The following GSG1L variants were observed in gnomAD, a reference collection of about 807,000 sequenced individuals.
The protein encoded by GSG1L is germ cell-specific gene 1-like protein.
GSG1L carries 24 observed loss-of-function variants against 42.1 expected under a neutral mutation model. That is an observed-to-expected ratio of 0.57 (90% CI 0.41 to 0.80). The LOEUF (loss-of-function observed/expected upper bound fraction) is 0.80, where lower values mean the gene tolerates loss of function less well. GSG1L is among the 30% of genes least tolerant of loss of function. The pLI is 0.00. For missense variants in GSG1L, 445 were observed against 472.2 expected, an observed-to-expected ratio of 0.94 and a Z score of 0.53; for synonymous variants, 215 against 203.5, an observed-to-expected ratio of 1.06 and a Z score of -0.48.
intron 2 of GSG1L, among the ~76,000 whole-genome samples, chr16:27,914,049 A>G (rs961694141): frequency 6.6e-6 from 1 of 151,792 alleles, no homozygotes; most frequent in African/African-American, 2.4e-5. Flanking sequence ...CTTGCAGATC[A>G]TGCAGTTTTG....
intron 6 of GSG1L, among the ~76,000 whole-genome samples, chr16:27,793,296 T>C (rs1176080649): frequency 6.6e-6 from 1 of 152,234 alleles, no homozygotes; most frequent in African/African-American, 2.4e-5. Context: ...TTCACTTTTT[T>C]CTTTCTGCTT....
rs555639727 is a variant in GSG1L at position 27,941,530 on chromosome 16, G to A, written c.397+21626C>T. Among the ~76,000 whole-genome samples, 42 of 139,112 alleles carry A rather than the reference G, an allele frequency of 3.0e-4. 2 individuals carry two copies. The South Asian group carries it at 9.6e-3, about 32-fold the overall frequency. 91.3% of individuals were successfully genotyped at this position (139,112 alleles called of 152,430 possible). A position where few individuals can be genotyped will look rare whatever the true frequency, so the allele number is the denominator to read the frequency against. On this transcript the variant is annotated intron_variant, in intron 2 of 6. Coordinates refer to ENST00000447459, the MANE Select transcript of GSG1L (RefSeq NM_001109763.2). ...TACTAAAAATACAAAAAATTAGCTCGGCATGGTGGCAGGTGCCTATAATCC... is the reference window on the plus strand; with the variant it reads ...TACTAAAAATACAAAAAATTAGCTCAGCATGGTGGCAGGTGCCTATAATCC...
At chr16:27,861,461 G>A (rs191826676) in intron 3 of GSG1L, among the ~76,000 whole-genome samples, 75 of 152,252 alleles carry the variant, frequency 4.9e-4, no homozygotes, top group African/African-American at 1.7e-3. Context: ...GGCAATGGCT[G>A]TCCAAACTGA....
chr16:28,015,771 G>T (rs1218534028), intron 1 of GSG1L, among the ~76,000 whole-genome samples: 1 of 152,162 alleles, frequency 6.6e-6, no homozygotes, highest in Admixed American at 6.5e-5. Flanking sequence ...TCCTTATCAG[G>T]ACTTGAAAAA....
At position 28,055,462 on chromosome 16, in the gene GSG1L, T is replaced by A. The variant is rs547600384; in HGVS notation, c.349+7614A>T. Among the ~76,000 whole-genome samples, 3 of 149,106 alleles carry A rather than the reference T, an allele frequency of 2.0e-5. No individual in the cohort carries two copies. The South Asian group carries it at 6.4e-4, about 32-fold the overall frequency. On this transcript the variant is annotated intron_variant, in intron 1 of 6. Transcript: ENST00000447459. Reference sequence around the variant, plus strand: ...AGCATTGTTCTAATAAACTCCCCCTTTTATTATTTTTTTTAATTTTTTTTT... The same window carrying A: ...AGCATTGTTCTAATAAACTCCCCCTATTATTATTTTTTTTAATTTTTTTTT...
chr16:27,803,838 TATAG>T (rs1231089550), intron 6 of GSG1L, among the ~76,000 whole-genome samples: 14 of 149,646 alleles, frequency 9.4e-5, no homozygotes, highest in South Asian at 2.1e-4. Context: ...GATATAGATA[TATAG>T]ATAGATAGAT....
chr16:27,897,654 T>TGTGGCCCCCACC (rs2084207126), intron 2 of GSG1L, among the ~76,000 whole-genome samples: 1 of 152,202 alleles, frequency 6.6e-6, no homozygotes, highest in Non-Finnish European at 1.5e-5. Context: ...TAGCCCGCAC[T>TGTGGCCCCCACC]GTGGCCCCCA....
chr16:27,950,583 G>A (rs1247395570), intron 2 of GSG1L, among the ~76,000 whole-genome samples: 2 of 152,044 alleles, frequency 1.3e-5, no homozygotes, highest in Non-Finnish European at 2.9e-5. Flanking sequence ...CGTCTCGAGG[G>A]ATGGCTGAGA....
At chr16:27,847,269 C>A (rs989934696) in intron 3 of GSG1L, among the ~76,000 whole-genome samples, 1 of 152,126 alleles carries the variant, frequency 6.6e-6, no homozygotes, top group African/African-American at 2.4e-5. Flanking sequence ...ATGGAATTCC[C>A]AACCGGTGTG....
intron 1 of GSG1L, among the ~76,000 whole-genome samples, chr16:27,992,860 T>C (rs2085470585): frequency 6.6e-6 from 1 of 152,126 alleles, no homozygotes; most frequent in Non-Finnish European, 1.5e-5. Context: ...AGTCAGATAT[T>C]AAGCTGAAGT....
At position 28,059,373 on chromosome 16, in the gene GSG1L, G is replaced by C. The variant is rs528225588; in HGVS notation, c.349+3703C>G. ...GCCTGGGTCCTGCATGGGTCTTCTGGCTTCACACCCACCCCGTCACCACCC... is the reference window on the plus strand; with the variant it reads ...GCCTGGGTCCTGCATGGGTCTTCTGCCTTCACACCCACCCCGTCACCACCC... On this transcript the variant is annotated intron_variant, in intron 1 of 6. Coordinates refer to ENST00000447459, the MANE Select transcript of GSG1L (RefSeq NM_001109763.2). The surrounding 1 kb of genome is among the most constrained non-coding windows in gnomAD (Gnocchi z 4.4). Among the ~76,000 whole-genome samples the C allele has an allele frequency of 5.1e-4, 78 of 152,114 alleles. No individual in the cohort carries two copies. Among genetic ancestry groups the C allele is most frequent in the African/African-American group, 1.8e-3 (76 of 41,522 alleles).
chr16:27,949,156 A>G (rs2084923267), intron 2 of GSG1L, among the ~76,000 whole-genome samples: 1 of 151,768 alleles, frequency 6.6e-6, no homozygotes, highest in Admixed American at 6.6e-5. Context: ...GGCTCAAGCA[A>G]TCCTCCCACC....
At position 27,986,777 on chromosome 16, in the gene GSG1L, A is replaced by G. The variant is rs2085389434; in HGVS notation, c.350-23574T>C. On this transcript the variant is annotated intron_variant, in intron 1 of 6. Transcript: ENST00000447459. ...GGGAGACCTAAGTGTTCTGCCTTCCAGCTGGACCTGCTTTTCACATCTGTA... is the reference window on the plus strand; with the variant it reads ...GGGAGACCTAAGTGTTCTGCCTTCCGGCTGGACCTGCTTTTCACATCTGTA... Among the ~76,000 whole-genome samples, 3 of 152,376 alleles carry G rather than the reference A, an allele frequency of 2.0e-5. No homozygotes were observed. In the South Asian group the frequency reaches 6.2e-4, roughly 32 times the overall value.
At chr16:27,832,372 C>T (rs62031122) in intron 4 of GSG1L, among the ~76,000 whole-genome samples, 2,325 of 152,274 alleles carry the variant, frequency 0.015, 37 homozygotes, top group Middle Eastern at 0.048. Context: ...ATAGCTACAG[C>T]CACTTCCCTC....
chr16:27,801,037 A>G (rs2144410574), intron 6 of GSG1L, among the ~76,000 whole-genome samples: 1 of 152,328 alleles, frequency 6.6e-6, no homozygotes, highest in Non-Finnish European at 1.5e-5. Flanking sequence ...CAGCTGACTT[A>G]AAGATGAGAC....
intron 3 of GSG1L, among the ~76,000 whole-genome samples, chr16:27,845,728 G>C (rs1401641706): frequency 2.0e-5 from 3 of 152,112 alleles, no homozygotes; most frequent in Non-Finnish European, 2.9e-5. Flanking sequence ...GTGAGCTTGA[G>C]CATTTTTCAC....
chr16:27,810,377 G>A (rs969595747), intron 5 of GSG1L, among the ~76,000 whole-genome samples: 7 of 152,152 alleles, frequency 4.6e-5, no homozygotes, highest in Non-Finnish European at 1.0e-4. Context: ...AGCTGAGTTG[G>A]GAGGATCACT....
intron 1 of GSG1L, among the ~76,000 whole-genome samples, chr16:28,054,416 G>A (rs535891455): frequency 4.0e-4 from 61 of 152,204 alleles, no homozygotes; most frequent in Non-Finnish European, 6.6e-4. Context: ...ATCACCTGAG[G>A]TCAGGAATTG....
intron 1 of GSG1L, among the ~76,000 whole-genome samples, chr16:28,058,244 A>G (rs2141202084): frequency 6.6e-6 from 1 of 152,214 alleles, no homozygotes; most frequent in Admixed American, 6.5e-5. Flanking sequence ...TGGGCAACTC[A>G]CTTCACCTCT....
Sources: gnomAD v4.1 joint callset for allele counts (sites outside exome capture counted in the v4.1 genomes callset) on GRCh38, gnomAD v4.1.1 for gene constraint, Gnocchi (gnomAD v3.1) non-coding constraint, MANE v1.5 for transcripts, NCBI Gene and HGNC (gene_info 2026-07-23, HGNC 2026-07-21) for gene names.